PAPPA2: variants seen among roughly 807,000 people sequenced by gnomAD.
PAPPA2 encodes pappalysin 2, also known as pappalysin-2.
In PAPPA2, 86 loss-of-function variants were observed where a neutral mutation model predicts 176.4. The ratio of observed to expected loss-of-function variants is 0.49; its 90% CI spans 0.41 to 0.58. The LOEUF (loss-of-function observed/expected upper bound fraction) is 0.58, where lower values mean the gene tolerates loss of function less well. Ranked by LOEUF, PAPPA2 falls within the 20% of genes least tolerant of loss-of-function variation. The pLI, the probability that PAPPA2 is intolerant of heterozygous loss-of-function variation, is 0.00. For synonymous variants in PAPPA2, 809 were observed against 852.2 expected (o/e 0.95, Z 0.88); for missense variants, 2,073 against 2,256.9 (o/e 0.92, Z 1.65).
intron 1 of PAPPA2, among the ~76,000 whole-genome samples, chr1:176,465,713 G>GT (rs932174357): frequency 3.9e-4 from 57 of 147,468 alleles, no homozygotes; most frequent in Admixed American, 2.0e-3. Flanking sequence ...TGTGTCATGG[G>GT]TTTTTTTTTG....
At chr1:176,753,285 T>A (rs1250836820) in intron 14 of PAPPA2, among the ~76,000 whole-genome samples, 1 of 152,138 alleles carries the variant, frequency 6.6e-6, no homozygotes, top group Non-Finnish European at 1.5e-5. Flanking sequence ...AGTCTCTGAG[T>A]CTGGTCTTGG....
chr1:176,652,898 G>A (rs527567501), intron 3 of PAPPA2, among the ~76,000 whole-genome samples: 6 of 151,752 alleles, frequency 4.0e-5, no homozygotes, highest in East Asian at 3.9e-4. Flanking sequence ...ACTTCTCTGC[G>A]ACCCTGAGAA....
chr1:176,498,959 C>A (rs979969361), intron 1 of PAPPA2, among the ~76,000 whole-genome samples: 1 of 152,086 alleles, frequency 6.6e-6, no homozygotes, highest in East Asian at 1.9e-4. Flanking sequence ...TTTCTCCCTC[C>A]TTCTTTTTTC....
chr1:176,713,535 A>G (rs1392421591), intron 12 of PAPPA2, among the ~76,000 whole-genome samples: 1 of 152,206 alleles, frequency 6.6e-6, no homozygotes, highest in Non-Finnish European at 1.5e-5. Context: ...AGTCCTTGAT[A>G]CCAAATAATT....
At chr1:176,831,071 C>G (rs896522107) in intron 21 of PAPPA2, among the ~76,000 whole-genome samples, 3 of 152,132 alleles carry the variant, frequency 2.0e-5, no homozygotes, top group African/African-American at 7.2e-5. Flanking sequence ...GAGGGGTAGA[C>G]AAAAGTTTTT....
At chr1:176,772,561 G>C (rs541468476) in intron 17 of PAPPA2, among the ~76,000 whole-genome samples, 1 of 152,280 alleles carries the variant, frequency 6.6e-6, no homozygotes, top group South Asian at 2.1e-4. Flanking sequence ...GCTCATATGT[G>C]GGAGGGGAAG....
intron 10 of PAPPA2, among the ~76,000 whole-genome samples, chr1:176,709,432 G>A (rs1661038608): frequency 1.3e-5 from 2 of 151,902 alleles, no homozygotes; most frequent in Non-Finnish European, 1.5e-5. Flanking sequence ...ACATATGTAA[G>A]CCTCAAAAGC....
At chr1:176,828,328 A>G (rs1557897205) in intron 21 of PAPPA2, among the ~76,000 whole-genome samples, 1 of 152,204 alleles carries the variant, frequency 6.6e-6, no homozygotes, top group Non-Finnish European at 1.5e-5. Context: ...ACACCTATAT[A>G]AAACAAAAAT....
intron 3 of PAPPA2, among the ~76,000 whole-genome samples, chr1:176,634,043 C>A (rs540173509): frequency 6.6e-6 from 1 of 152,082 alleles, no homozygotes; most frequent in Non-Finnish European, 1.5e-5. Flanking sequence ...GGCGATTCCT[C>A]GGGGATCTAG....
intron 3 of PAPPA2, among the ~76,000 whole-genome samples, chr1:176,649,340 C>G (rs530950554): frequency 6.7e-6 from 1 of 150,368 alleles, no homozygotes. Context: ...CTTAGCTATT[C>G]TAGCTAATAG....
At chr1:176,709,525 C>A (rs1558534552) in intron 10 of PAPPA2, among the ~76,000 whole-genome samples, 1 of 152,082 alleles carries the variant, frequency 6.6e-6, no homozygotes, top group Non-Finnish European at 1.5e-5. Flanking sequence ...TGAGAACAAA[C>A]CCCCCGTGAT....
intron 14 of PAPPA2, among the ~76,000 whole-genome samples, chr1:176,750,842 T>C (rs934573112): frequency 6.6e-6 from 1 of 152,094 alleles, no homozygotes; most frequent in African/African-American, 2.4e-5. Context: ...AGTTCACGCA[T>C]TGTGTTATTA....
intron 3 of PAPPA2, among the ~76,000 whole-genome samples, chr1:176,621,511 C>T (rs760759406): frequency 6.6e-5 from 10 of 152,120 alleles, no homozygotes; most frequent in African/African-American, 2.4e-4. Context: ...TCCCATAAGA[C>T]CTCACTCTTC....
At chr1:176,761,067 C>T (rs889136877) in intron 14 of PAPPA2, among the ~76,000 whole-genome samples, 1 of 152,134 alleles carries the variant, frequency 6.6e-6, no homozygotes, top group East Asian at 1.9e-4. Context: ...GTGATCCGCC[C>T]GCCTCGGCCT....
intron 20 of PAPPA2, among the ~76,000 whole-genome samples, chr1:176,795,799 A>C (rs1262499326): frequency 6.6e-6 from 1 of 152,248 alleles, no homozygotes; most frequent in Non-Finnish European, 1.5e-5. Flanking sequence ...CTGTGGATAC[A>C]TGAAATAGGT....
chr1:176,684,028 G>A (rs935924270), intron 4 of PAPPA2, among the ~76,000 whole-genome samples: 4 of 152,088 alleles, frequency 2.6e-5, no homozygotes, highest in Non-Finnish European at 4.4e-5. Context: ...GAGAGCAAGG[G>A]TCCCTATCTT....
intron 3 of PAPPA2, among the ~76,000 whole-genome samples, chr1:176,598,970 T>C (rs1473839005): frequency 6.6e-6 from 1 of 152,186 alleles, no homozygotes; most frequent in Non-Finnish European, 1.5e-5. Context: ...TTTCAGGTAA[T>C]CTTTTTTGAA....
rs553374105 is a variant in PAPPA2 at position 176,502,333 on chromosome 1, CAT to C, written c.-917+38917_-917+38918del. Among the ~76,000 whole-genome samples, 108 of 152,324 alleles carry C rather than the reference CAT, an allele frequency of 7.1e-4. No homozygotes were observed. In the Middle Eastern group the frequency reaches 0.01, roughly 14 times the overall value. On this transcript the variant is annotated intron_variant, in intron 1 of 22. Coordinates refer to ENST00000367662, the MANE Select transcript of PAPPA2 (RefSeq NM_020318.3). The stretch of plus-strand genomic sequence containing the variant: ...TTTGGTGTAGTACAAGTAGCTATAA[CAT>C]AGCTGTGAAGATAGGGATTGAGTTA...
At chr1:176,700,280 G>C (rs529252645) in intron 8 of PAPPA2, among the ~76,000 whole-genome samples, 17 of 152,190 alleles carry the variant, frequency 1.1e-4, no homozygotes, top group Non-Finnish European at 2.1e-4. Flanking sequence ...CAGGAGGCTG[G>C]TACTCCAAAG....
Sources: gnomAD v4.1 joint callset for allele counts (sites outside exome capture counted in the v4.1 genomes callset) on GRCh38, gnomAD v4.1.1 for gene constraint, MANE v1.5 for transcripts, NCBI Gene and HGNC (gene_info 2026-07-23, HGNC 2026-07-21) for gene names.